EGFR: variants seen among roughly 807,000 people sequenced by gnomAD.
EGFR encodes epidermal growth factor receptor.
A neutral mutation model predicts 143.0 loss-of-function variants in EGFR; 58 were observed. The ratio of observed to expected loss-of-function variants is 0.41; its 90% confidence interval spans 0.33 to 0.50. The LOEUF (loss-of-function observed/expected upper bound fraction) is 0.50. EGFR is among the 20% of genes least tolerant of loss of function. The pLI is 0.39. For missense variants in EGFR, 1,307 were observed against 1,579.0 expected (o/e 0.83, Z 2.92); for synonymous variants, 613 against 594.4 (o/e 1.03, Z -0.45).
chr7:55,072,384 T>A (rs1458132596), intron 1 of EGFR, among the ~76,000 whole-genome samples: 2 of 152,194 alleles, frequency 1.3e-5, no homozygotes, highest in Non-Finnish European at 2.9e-5. Flanking sequence ...CTGTCCCACT[T>A]ACCAGCTGTG....
intron 1 of EGFR, among the ~76,000 whole-genome samples, chr7:55,050,484 C>T (rs971485935): frequency 6.6e-5 from 10 of 152,216 alleles, no homozygotes; most frequent in African/African-American, 2.4e-4. Flanking sequence ...TTCATTTATC[C>T]ATTCATCCAC....
chr7:55,019,380 C>T lies in EGFR; in HGVS notation c.88+15C>T, dbSNP rs1226193335. The T allele has an allele frequency of 7.1e-7, 1 of 1,409,388 alleles. No homozygotes were observed. The highest frequency in any genetic ancestry group is 9.4e-7 in the Non-Finnish European group (1 of 1,066,884). 87.3% of individuals were successfully genotyped at this position (1,409,388 alleles called of 1,614,324 possible). A position where few individuals can be genotyped will look rare whatever the true frequency, so the allele number is the denominator to read the frequency against. ...GGAAAAGAAAGGTAAGGGCGTGTCT[C>T]GCCGGCTCCCGCGCCGCCCCCGGAT... On this transcript the variant is annotated intron_variant, in intron 1 of 27. Coordinates refer to ENST00000275493, the MANE Select transcript of EGFR (RefSeq NM_005228.5).
Position 55,165,391 on chromosome 7 carries a change from G to A in EGFR, c.1834G>A (p.Asp612Asn), listed in dbSNP as rs1214761095. 1 of 1,614,174 alleles carries A rather than the reference G, an allele frequency of 6.2e-7. No individual in the cohort carries two copies. Among genetic ancestry groups the A allele is most frequent in the South Asian group, 1.1e-5 (1 of 91,084 alleles). Residue 612 changes from aspartate (D) to asparagine (N), a missense_variant, in exon 15 of 28, where the codon GAC (aspartate) becomes AAC (asparagine). Asp to Asn is a conservative substitution (Grantham distance 23). Around this residue, in one of 7 missense-constraint regions of EGFR, gnomAD observed 250 missense variants for 295.1 expected, o/e 0.85. Transcript: ENST00000275493. ...CAACACCCTGGTCTGGAAGTACGCAGACGCCGGCCATGTGTGCCACCTGTG... is the reference window on the plus strand; with the variant it reads ...CAACACCCTGGTCTGGAAGTACGCAAACGCCGGCCATGTGTGCCACCTGTG... ...ENNTLVWKYADAGHVCHLCHP... is the reference protein window; with the variant it reads ...ENNTLVWKYANAGHVCHLCHP...
intron 1 of EGFR, among the ~76,000 whole-genome samples, chr7:55,063,295 C>T (rs1266776135): frequency 6.6e-6 from 1 of 152,250 alleles, no homozygotes; most frequent in African/African-American, 2.4e-5. Flanking sequence ...TCCTTGATCT[C>T]GTTTGAATCC....
chr7:55,172,344 A>C (rs1786390127), intron 16 of EGFR, among the ~76,000 whole-genome samples: 1 of 152,150 alleles, frequency 6.6e-6, no homozygotes, highest in South Asian at 2.1e-4. Flanking sequence ...ACTAGACATG[A>C]CCTCTGTGGG....
At chr7:55,030,707 T>C (rs1174074001) in intron 1 of EGFR, among the ~76,000 whole-genome samples, 2 of 152,240 alleles carry the variant, frequency 1.3e-5, no homozygotes, top group Admixed American at 6.5e-5. Flanking sequence ...TTAACCTCTT[T>C]AGGGTGTGAA....
In EGFR at chr7:55,200,833, A is replaced by C. The variant is rs576780260; in HGVS notation, c.2947-355A>C. ...ACAGGAATACCAAAACCAAGCTCACAGGATTGTCTCAAAGATTCAATAAAA... is the reference window on the plus strand; with the variant it reads ...ACAGGAATACCAAAACCAAGCTCACCGGATTGTCTCAAAGATTCAATAAAA... On this transcript the variant is annotated intron_variant, in intron 24 of 27. Transcript: ENST00000275493. 16 of 477,868 alleles carry C rather than the reference A, an allele frequency of 3.3e-5. No individual in the cohort carries two copies. The East Asian group carries it at 4.9e-4, about 15-fold the overall frequency. The allele number at this position is 477,868 out of a possible 1,614,324, so 29.6% of individuals were successfully genotyped here.
chr7:55,193,844 T>A (rs1787505136), intron 22 of EGFR, among the ~76,000 whole-genome samples: 1 of 152,240 alleles, frequency 6.6e-6, no homozygotes, highest in Non-Finnish European at 1.5e-5. Context: ...TTATTAACTT[T>A]CTGATTTTCC....
intron 27 of EGFR, among the ~76,000 whole-genome samples, chr7:55,203,380 C>CACAT (rs760412968): frequency 1.3e-4 from 18 of 142,104 alleles, no homozygotes; most frequent in Non-Finnish European, 2.6e-4. Flanking sequence ...ATACACACCA[C>CACAT]ACATACATAC....
intron 1 of EGFR, among the ~76,000 whole-genome samples, chr7:55,106,789 ATTGT>A (rs1792158663): frequency 6.6e-6 from 1 of 152,168 alleles, no homozygotes; most frequent in Admixed American, 6.5e-5. Flanking sequence ...TCAAAGCTGC[ATTGT>A]AAAATGTACA....
rs533645076 is a variant in EGFR, at chr7:55,204,827, G to A, written c.3272-429G>A. Among the ~76,000 whole-genome samples the A allele has an allele frequency of 5.8e-4, 60 of 102,676 alleles. 1 individual carries two copies. The highest frequency in any genetic ancestry group is 0.022 in the Middle Eastern group (2 of 92). The allele number at this position is 102,676 out of a possible 152,430, so 67.4% of individuals were successfully genotyped here. A position where few individuals can be genotyped will look rare whatever the true frequency, so the allele number is the denominator to read the frequency against. Reference sequence around the variant, plus strand: ...ATACACACACCACATATACACACACGTACACACACACCACACACACCCACA... The same window carrying A: ...ATACACACACCACATATACACACACATACACACACACCACACACACCCACA... On this transcript the variant is annotated intron_variant, in intron 27 of 27. Coordinates refer to ENST00000275493, the MANE Select transcript of EGFR (RefSeq NM_005228.5).
chr7:55,081,661 AG>A, intron 1 of EGFR, among the ~76,000 whole-genome samples: 1 of 152,016 alleles, frequency 6.6e-6, no homozygotes, highest in Middle Eastern at 3.4e-3. Context: ...CTGGGCGAGG[AG>A]GGGCCATCAC....
At chr7:55,125,194 C>T (rs1298677384) in intron 1 of EGFR, among the ~76,000 whole-genome samples, 1 of 152,188 alleles carries the variant, frequency 6.6e-6, no homozygotes, top group African/African-American at 2.4e-5. Context: ...CTAATGGGCC[C>T]TTCTCCACAT....
At position 55,209,694 on chromosome 7, in the gene EGFR, C is replaced by T. The variant is rs940810; in HGVS notation, c.*4077C>T. On this transcript the variant is annotated 3_prime_UTR_variant, in exon 28 of 28. Coordinates refer to ENST00000275493, the MANE Select transcript of EGFR (RefSeq NM_005228.5). ...AGCCACACCTGCCATACCAGGGGTA[C>T]AGCTTTGTACTATTGAAGACACAGA... The T allele has an allele frequency of 0.2, 30,066 of 152,236 alleles. 3,713 individuals are homozygous for T. The highest frequency in any genetic ancestry group is 0.32 in the Admixed American group (4,920 of 15,296). 9.4% of individuals were successfully genotyped at this position (152,236 alleles called of 1,614,324 possible). A position where few individuals can be genotyped will look rare whatever the true frequency, so the allele number is the denominator to read the frequency against.
chr7:55,130,183 A>G (rs1360226097), intron 1 of EGFR, among the ~76,000 whole-genome samples: 1 of 152,194 alleles, frequency 6.6e-6, no homozygotes, highest in Non-Finnish European at 1.5e-5. Flanking sequence ...CTGGGGCAGT[A>G]AAGAGCCAGC....
In EGFR at chr7:55,038,221, G is replaced by A. The variant is rs549958769; in HGVS notation, c.88+18856G>A. Among the ~76,000 whole-genome samples, 13 of 152,286 alleles carry A rather than the reference G, an allele frequency of 8.5e-5. No individual in the cohort carries two copies. In the South Asian group the frequency reaches 1.7e-3, roughly 19 times the overall value. ...ATCTGTCGTTCACATGCTTCATGCC[G>A]AGTCCTTGTGGACCCACAGAGACAC... On this transcript the variant is annotated intron_variant, in intron 1 of 27. Transcript: ENST00000275493.
chr7:55,066,946 G>C (rs548878527), intron 1 of EGFR, among the ~76,000 whole-genome samples: 2 of 152,278 alleles, frequency 1.3e-5, no homozygotes, highest in Admixed American at 6.5e-5. Context: ...TACAGAACTG[G>C]ATGCTGAGCT....
At chr7:55,027,991 AATATATATATATATATATATATAT>A (rs374300539) in intron 1 of EGFR, among the ~76,000 whole-genome samples, 4 of 54,992 alleles carry the variant, frequency 7.3e-5, no homozygotes, top group East Asian at 8.4e-4. Context: ...AAAAAAAAAA[AATATATATATATATATATATATAT>A]ATATATATAT....
intron 15 of EGFR, among the ~76,000 whole-genome samples, chr7:55,166,653 T>G (rs144823375): frequency 3.0e-4 from 34 of 112,048 alleles, no homozygotes; most frequent in East Asian, 1.1e-3. Flanking sequence ...GGTGGTGGTG[T>G]TGATGGTGGT....
Sources: gnomAD v4.1 joint callset for allele counts (sites outside exome capture counted in the v4.1 genomes callset) on GRCh38, gnomAD v4.1.1 for gene constraint, gnomAD v4.1.1 regional missense constraint, MANE v1.5 for transcripts, NCBI Gene and HGNC (gene_info 2026-07-23, HGNC 2026-07-21) for gene names.